The following AHI1 variants were observed in gnomAD, a reference collection of about 807,000 sequenced individuals.
AHI1 encodes the protein Abelson helper integration site 1.
AHI1 carries 123 observed loss-of-function variants against 149.3 expected under a neutral mutation model. That is an observed-to-expected ratio of 0.82 (90% CI 0.71 to 0.96). The LOEUF (loss-of-function observed/expected upper bound fraction) is 0.96. AHI1 is among the 40% of genes least tolerant of loss of function. AHI1 has a pLI of 0.00. For missense variants in AHI1, 1,439 were observed against 1,422.7 expected, an observed-to-expected ratio of 1.01 and a Z score of -0.18; for synonymous variants, 475 against 459.8, an observed-to-expected ratio of 1.03 and a Z score of -0.42.
intron 24 of AHI1, among the ~76,000 whole-genome samples, chr6:135,348,874 G>A (rs1791643063): frequency 6.6e-6 from 1 of 152,148 alleles, no homozygotes; most frequent in South Asian, 2.1e-4. Context: ...ACAGTATTTA[G>A]TACTTGAAAC....
chr6:135,474,910 T>G (rs1243121254), intron 5 of AHI1, among the ~76,000 whole-genome samples: 1 of 152,216 alleles, frequency 6.6e-6, no homozygotes, highest in African/African-American at 2.4e-5. Flanking sequence ...AGCTGTGTAA[T>G]TATTGCCCAC....
At chr6:135,300,889 A>G (rs962151967) in intron 26 of AHI1, 4 of 1,020,542 alleles carry the variant, frequency 3.9e-6, no homozygotes, top group Non-Finnish European at 3.5e-6. Flanking sequence ...ATATTACTTA[A>G]GCTCTAAATA....
chr6:135,385,037 C>T (rs924182290), intron 23 of AHI1, among the ~76,000 whole-genome samples: 3 of 151,982 alleles, frequency 2.0e-5, no homozygotes, highest in African/African-American at 4.8e-5. Flanking sequence ...TGCAGTGATC[C>T]GAGATCGCGC....
At chr6:135,434,486 G>C (rs984651525) in intron 15 of AHI1, among the ~76,000 whole-genome samples, 1 of 151,858 alleles carries the variant, frequency 6.6e-6, no homozygotes, top group Non-Finnish European at 1.5e-5. Flanking sequence ...TCAGTTGTTT[G>C]GTAATAAATC....
At chr6:135,320,279 C>A (rs9321501) in intron 25 of AHI1, among the ~76,000 whole-genome samples, 82,184 of 151,500 alleles carry the variant, frequency 0.54, 22,325 homozygotes, top group Middle Eastern at 0.64. Flanking sequence ...GTGACTGATG[C>A]CAAAAGAAAA....
chr6:135,460,634 A>C (rs1421594153), intron 8 of AHI1, among the ~76,000 whole-genome samples: 2 of 152,234 alleles, frequency 1.3e-5, no homozygotes, highest in Non-Finnish European at 2.9e-5. Flanking sequence ...AGCCTAGACA[A>C]TGCAGATGAA....
rs756862771 is a variant in AHI1, at chr6:135,447,013, C to T, written c.1774G>A (p.Gly592Arg). ...KEVIKWKRLP[G>R]QACRIPNKHL... ...ACTATTATCAAACACTTCACCTGCCCAGGGAGTCGTTTCCACTTTATTACT... is the reference window on the plus strand; with the variant it reads ...ACTATTATCAAACACTTCACCTGCCTAGGGAGTCGTTTCCACTTTATTACT... The change falls in exon 13 of 29, where the codon GGG becomes AGG. Residue 592 changes from glycine (G) to arginine (R), a missense_variant. Transcript: ENST00000265602. 6.2e-7 allele frequency: 1 copy of T among 1,609,398 alleles called. No homozygotes were observed. Among genetic ancestry groups the T allele is most frequent in the Non-Finnish European group, 8.5e-7 (1 of 1,178,136 alleles).
intron 23 of AHI1, 79 bp from the exon 24 acceptor site, chr6:135,358,266 G>A: frequency 1.6e-6 from 2 of 1,250,362 alleles, no homozygotes; most frequent in East Asian, 2.4e-5. Flanking sequence ...CCATTTTATT[G>A]GAAAAACATT....
intron 24 of AHI1, among the ~76,000 whole-genome samples, chr6:135,342,269 C>A (rs1003525750): frequency 6.6e-6 from 1 of 151,640 alleles, no homozygotes. Flanking sequence ...TGTGAATAGG[C>A]CAATAAAGAG....
At chr6:135,342,523 T>C (rs958502752) in intron 24 of AHI1, among the ~76,000 whole-genome samples, 1 of 151,596 alleles carries the variant, frequency 6.6e-6, no homozygotes, top group Non-Finnish European at 1.5e-5. Context: ...AATCAACATA[T>C]GAAAAAGATT....
At chr6:135,468,112 C>T (rs1051616876) in intron 5 of AHI1, among the ~76,000 whole-genome samples, 2 of 152,084 alleles carry the variant, frequency 1.3e-5, no homozygotes, top group African/African-American at 4.8e-5. Flanking sequence ...CAATACATAT[C>T]TAAGATTTTA....
intron 19 of AHI1, 101 bp from the exon 20 acceptor site, chr6:135,427,408 C>A: frequency 3.1e-6 from 3 of 977,006 alleles, no homozygotes; most frequent in Non-Finnish European, 4.5e-6. Flanking sequence ...ATATTTATAG[C>A]AATGATGCTC....
At chr6:135,355,470 T>C (rs1792803306) in intron 24 of AHI1, among the ~76,000 whole-genome samples, 1 of 151,840 alleles carries the variant, frequency 6.6e-6, no homozygotes, top group Non-Finnish European at 1.5e-5. Flanking sequence ...ACAGAGGTGG[T>C]TTTGTTCTCA....
At chr6:135,460,201 A>G (rs955224544) in intron 8 of AHI1, among the ~76,000 whole-genome samples, 4 of 152,158 alleles carry the variant, frequency 2.6e-5, no homozygotes, top group African/African-American at 9.7e-5. Flanking sequence ...ATAAATAAAT[A>G]AACTCTTGCA....
rs1796153337 is a variant in AHI1 at position 135,497,567 on chromosome 6, C to G, written c.-202+16G>C. 1 of 153,586 alleles carries G rather than the reference C, an allele frequency of 6.5e-6. No homozygotes were observed. Among genetic ancestry groups the G allele is most frequent in the Non-Finnish European group, 1.5e-5 (1 of 68,922 alleles). The allele number at this position is 153,586 out of a possible 1,614,324, so 9.5% of individuals were successfully genotyped here. On this transcript the variant is annotated intron_variant, in intron 1 of 28. Coordinates refer to ENST00000265602, the MANE Select transcript of AHI1 (RefSeq NM_001134831.2). ...GGCCCGCGCTCCCGCCACCAGCGCA[C>G]CCATGATGTACTCACGGAGAGGGGT...
chr6:135,362,845 G>A (rs1323300089), intron 23 of AHI1, among the ~76,000 whole-genome samples: 2 of 151,888 alleles, frequency 1.3e-5, no homozygotes, highest in Admixed American at 1.3e-4. Context: ...TTCTTTTGCT[G>A]TGCAGAAGCC....
intron 20 of AHI1, 102 bp downstream of exon 20, chr6:135,427,065 A>G (rs765694822): frequency 8.5e-7 from 1 of 1,170,142 alleles, no homozygotes; most frequent in Non-Finnish European, 1.2e-6. Context: ...CACAATTATT[A>G]TGTGTACTTT....
intron 26 of AHI1, chr6:135,302,455 G>A: frequency 5.0e-6 from 5 of 1,005,492 alleles, no homozygotes; most frequent in Non-Finnish European, 4.7e-6. Flanking sequence ...GCCTGTTCAT[G>A]TGAAATGGAT....
intron 17 of AHI1, 95 bp downstream of exon 17, chr6:135,431,113 G>C: frequency 1.3e-6 from 1 of 743,452 alleles, no homozygotes; most frequent in South Asian, 2.8e-5. Flanking sequence ...TGAAATGAGA[G>C]AACAGAATGT....
Sources: allele counts gnomAD v4.1 joint callset (sites outside exome capture counted in the v4.1 genomes callset), GRCh38; gene constraint gnomAD v4.1.1; transcripts MANE v1.5; gene names NCBI Gene and HGNC (gene_info 2026-07-23, HGNC 2026-07-21).